CDC42: variants seen among roughly 807,000 people sequenced by gnomAD.
CDC42 encodes the protein cell division cycle 42, also known as cell division control protein 42 homolog.
A neutral mutation model predicts 20.8 loss-of-function variants in CDC42; 1 was observed. That is an observed-to-expected ratio of 0.05 (90% confidence interval 0.02 to 0.23). The LOEUF (loss-of-function observed/expected upper bound fraction) is 0.23. Among genes scored for constraint, CDC42 ranks in the 10% least tolerant of loss-of-function variants. CDC42 has a pLI of 1.00. For missense variants in CDC42, 49 were observed against 227.9 expected (o/e 0.21, Z 5.05); for synonymous variants, 72 against 84.8 (o/e 0.85, Z 0.83).
intron 1 of CDC42, among the ~76,000 whole-genome samples, chr1:22,072,034 T>C (rs891728089): frequency 4.6e-5 from 7 of 152,002 alleles, no homozygotes; most frequent in Non-Finnish European, 8.8e-5. Flanking sequence ...ATGGCCCTTC[T>C]TAGGTTTGAT....
At chr1:22,073,930 T>A (rs1223210486) in intron 1 of CDC42, among the ~76,000 whole-genome samples, 1 of 151,484 alleles carries the variant, frequency 6.6e-6, no homozygotes, top group African/African-American at 2.4e-5. Flanking sequence ...GGATTACAGG[T>A]GTGAGCCACC....
rs1645783037 is a variant in CDC42 at position 22,100,421 on chromosome 1, G to A, written c.*8904G>A. Among the ~76,000 whole-genome samples, 1 of 152,174 alleles carries A rather than the reference G, an allele frequency of 6.6e-6. No individual in the cohort carries two copies. Among genetic ancestry groups the A allele is most frequent in the Admixed American group, 6.5e-5 (1 of 15,286 alleles). On this transcript the variant is annotated 3_prime_UTR_variant, in exon 6 of 6. Transcript: ENST00000656825. ...GGTGTTGTGCGAAGTACATGCATAG[G>A]CTTTGGATTTGAGTTTGGCTCTGCC...
At chr1:22,059,435 A>G (rs1043473936) in intron 1 of CDC42, 1 of 152,246 alleles carries the variant, frequency 6.6e-6, no homozygotes, top group African/African-American at 2.4e-5. Context: ...AGCTTGTCAA[A>G]TGTAAACATG....
At chr1:22,072,931 G>A (rs1313050131) in intron 1 of CDC42, among the ~76,000 whole-genome samples, 1 of 152,136 alleles carries the variant, frequency 6.6e-6, no homozygotes, top group Non-Finnish European at 1.5e-5. Context: ...TAATCTTATT[G>A]AGAATATAAA....
chr1:22,077,226 TCA>T (rs1478749338), intron 1 of CDC42, among the ~76,000 whole-genome samples: 2 of 152,164 alleles, frequency 1.3e-5, no homozygotes, highest in African/African-American at 4.8e-5. Context: ...TGTGAGTTAC[TCA>T]CACTAATGTA....
intron 2 of CDC42, among the ~76,000 whole-genome samples, chr1:22,080,067 G>C (rs915164565): frequency 6.6e-6 from 1 of 152,170 alleles, no homozygotes; most frequent in Non-Finnish European, 1.5e-5. Context: ...TCTATGAGTT[G>C]GGGCTTGCCA....
intron 3 of CDC42, among the ~76,000 whole-genome samples, chr1:22,083,597 TCC>T (rs1326270266): frequency 2.6e-5 from 4 of 151,686 alleles, no homozygotes; most frequent in Non-Finnish European, 5.9e-5. Flanking sequence ...AGAGTGAGAC[TCC>T]GTCTTTAAAA....
chr1:22,057,935 C>T (rs1278598865), intron 1 of CDC42, among the ~76,000 whole-genome samples: 1 of 152,136 alleles, frequency 6.6e-6, no homozygotes, highest in Non-Finnish European at 1.5e-5. Context: ...CCATGTTGGT[C>T]AGGCTGGTCT....
intron 1 of CDC42, among the ~76,000 whole-genome samples, chr1:22,067,005 G>C (rs1645431400): frequency 6.6e-6 from 1 of 152,206 alleles, no homozygotes; most frequent in African/African-American, 2.4e-5. Flanking sequence ...GGAGGTTGTG[G>C]TGAGCAGAGA....
chr1:22,090,901 C>T (rs1557908665), intron 5 of CDC42: 13 of 524,808 alleles, frequency 2.5e-5, no homozygotes, highest in Non-Finnish European at 2.9e-5. Flanking sequence ...ATCTCCTTGA[C>T]TCTGTCTAAC....
chr1:22,070,562 C>T (rs1247542537), intron 1 of CDC42, among the ~76,000 whole-genome samples: 1 of 142,580 alleles, frequency 7.0e-6, no homozygotes, highest in East Asian at 2.1e-4. Flanking sequence ...CTCCTAGGTT[C>T]ATGCCATTCT....
At position 22,093,115 on chromosome 1, in the gene CDC42, A is replaced by G. The variant is rs565012886; in HGVS notation, c.*1598A>G. Among the ~76,000 whole-genome samples the G allele has an allele frequency of 3.3e-5, 5 of 152,218 alleles. No individual in the cohort carries two copies. Among genetic ancestry groups the G allele is most frequent in the South Asian group, 2.1e-4 (1 of 4,820 alleles). On this transcript the variant is annotated 3_prime_UTR_variant, in exon 6 of 6. Transcript: ENST00000656825. ...AGTTTGAGATAATATTTAGCCCTCT[A>G]TATGTTCAGGTTTGTGCTTTCTCCT...
chr1:22,097,262 T>A lies in CDC42; in HGVS notation c.*5745T>A, dbSNP rs559661053. Reference sequence around the variant, plus strand: ...AGTTTTACCTCTTAAATCTGTATTATTACTTTTTTTTCGAGACCAGATCTT... The same window carrying A: ...AGTTTTACCTCTTAAATCTGTATTAATACTTTTTTTTCGAGACCAGATCTT... On this transcript the variant is annotated 3_prime_UTR_variant, in exon 6 of 6. Coordinates refer to ENST00000656825, the MANE Select transcript of CDC42 (RefSeq NM_001791.4). 2.6e-5 allele frequency among the ~76,000 whole-genome samples: 4 copies of A among 152,326 alleles called. No homozygotes were observed. The South Asian group carries it at 8.3e-4, about 32-fold the overall frequency.
intron 3 of CDC42, among the ~76,000 whole-genome samples, chr1:22,086,023 T>G (rs1645658641): frequency 6.6e-6 from 1 of 152,186 alleles, no homozygotes; most frequent in Non-Finnish European, 1.5e-5. Context: ...TTTTTATATT[T>G]TTAGTAGAGA....
intron 5 of CDC42, among the ~76,000 whole-genome samples, chr1:22,088,108 A>T (rs1645679117): frequency 6.6e-6 from 1 of 152,218 alleles, no homozygotes; most frequent in South Asian, 2.1e-4. Context: ...ATGCATAGCA[A>T]CTGTTTTGAG....
At chr1:22,075,388 G>T (rs1386760649) in intron 1 of CDC42, among the ~76,000 whole-genome samples, 1 of 152,154 alleles carries the variant, frequency 6.6e-6, no homozygotes, top group African/African-American at 2.4e-5. Flanking sequence ...GCAGGGGATT[G>T]ATTCCAGAAC....
In CDC42 at chr1:22,093,260, T is replaced by G. The variant is rs1645733658; in HGVS notation, c.*1743T>G. ...TGTCAGTGTACCTTTAATCCATAGA[T>G]CATTGAAAAGCAGCTCATTTTCCCC... On this transcript the variant is annotated 3_prime_UTR_variant, in exon 6 of 6. Coordinates refer to ENST00000656825, the MANE Select transcript of CDC42 (RefSeq NM_001791.4). Among the ~76,000 whole-genome samples the G allele has an allele frequency of 6.6e-6, 1 of 152,150 alleles. No homozygotes were observed. The highest frequency in any genetic ancestry group is 2.1e-4 in the South Asian group (1 of 4,826).
chr1:22,073,234 T>C (rs753981400), intron 1 of CDC42, among the ~76,000 whole-genome samples: 4 of 152,114 alleles, frequency 2.6e-5, no homozygotes, highest in Non-Finnish European at 5.9e-5. Context: ...TGAATTCCCA[T>C]AGTGTTAAGA....
At chr1:22,081,841 T>C (rs754833753) in intron 3 of CDC42, 47 bp downstream of exon 3, 1 of 1,200,850 alleles carries the variant, frequency 8.3e-7, no homozygotes, top group Non-Finnish European at 1.2e-6. Flanking sequence ...TAACAGTTGC[T>C]AGTTGTCTGT....
Sources: allele counts gnomAD v4.1 joint callset (sites outside exome capture counted in the v4.1 genomes callset), GRCh38; gene constraint gnomAD v4.1.1; transcripts MANE v1.5; gene names NCBI Gene and HGNC (gene_info 2026-07-23, HGNC 2026-07-21).